The following SP140 variants were observed in gnomAD, a reference collection of about 807,000 sequenced individuals.
SP140 encodes the protein nuclear body protein SP140.
SP140 carries 81 observed loss-of-function variants against 125.0 expected under a neutral mutation model. The observed-to-expected ratio is 0.65, with a 90% confidence interval of 0.54 to 0.78. The LOEUF (loss-of-function observed/expected upper bound fraction) is 0.78, where lower values mean the gene tolerates loss of function less well. SP140 is among the 30% of genes least tolerant of loss of function. SP140 has a pLI of 0.00. For synonymous variants in SP140, 312 were observed against 354.0 expected, an observed-to-expected ratio of 0.88 and a Z score of 1.33; for missense variants, 858 against 1,037.0, an observed-to-expected ratio of 0.83 and a Z score of 2.37.
intron 22 of SP140, among the ~76,000 whole-genome samples, chr2:230,300,501 C>T (rs1190700876): frequency 6.6e-6 from 1 of 152,120 alleles, no homozygotes. Context: ...CTCCCCAGTA[C>T]CAGCCCAGAA....
At chr2:230,293,100 G>T (rs1177596784) in intron 20 of SP140, among the ~76,000 whole-genome samples, 1 of 152,156 alleles carries the variant, frequency 6.6e-6, no homozygotes, top group Non-Finnish European at 1.5e-5. Flanking sequence ...AGTGGAAGAA[G>T]ACACTTCAGA....
At chr2:230,262,807 T>A (rs997114702) in intron 12 of SP140, among the ~76,000 whole-genome samples, 1 of 152,230 alleles carries the variant, frequency 6.6e-6, no homozygotes, top group African/African-American at 2.4e-5. Flanking sequence ...CTTATTCTAC[T>A]GTGGTCTGAG....
intron 1 of SP140, chr2:230,207,910 A>G: frequency 2.7e-6 from 2 of 733,308 alleles, no homozygotes; most frequent in Non-Finnish European, 4.9e-6. Flanking sequence ...TTAGAATAAA[A>G]TTCAACCCTC....
At chr2:230,265,833 C>T (rs1273334933) in intron 12 of SP140, among the ~76,000 whole-genome samples, 1 of 151,944 alleles carries the variant, frequency 6.6e-6, no homozygotes, top group Non-Finnish European at 1.5e-5. Flanking sequence ...CAATCTGCTT[C>T]CTTCAGAGGG....
chr2:230,227,496 G>A (rs1013273862), intron 1 of SP140, among the ~76,000 whole-genome samples: 2 of 152,214 alleles, frequency 1.3e-5, no homozygotes, highest in African/African-American at 4.8e-5. Flanking sequence ...GGAAATTGGG[G>A]AGGATGATGT....
At chr2:230,303,757 T>A (rs2149568016) in intron 22 of SP140, among the ~76,000 whole-genome samples, 1 of 152,308 alleles carries the variant, frequency 6.6e-6, no homozygotes, top group East Asian at 1.9e-4. Flanking sequence ...GGACATACCT[T>A]AAGGTAATAA....
chr2:230,208,012 T>C lies in SP140; in HGVS notation c.-323+4733T>C, dbSNP rs199845488. On this transcript the variant is annotated intron_variant, in intron 1 of 4. Coordinates refer to the SP140 transcript ENST00000456542. Reference sequence around the variant, plus strand: ...TTACCTCCTGGGAGGCTTTTTTTCTTATGTCTCCTTTTTGGAGTTGACCAG... The same window carrying C: ...TTACCTCCTGGGAGGCTTTTTTTCTCATGTCTCCTTTTTGGAGTTGACCAG... 17 of 1,565,992 alleles carry C rather than the reference T, an allele frequency of 1.1e-5. No individual in the cohort carries two copies. In the Admixed American group the frequency reaches 2.9e-4, roughly 26 times the overall value.
At chr2:230,298,525 A>T (rs2057977343) in intron 22 of SP140, among the ~76,000 whole-genome samples, 1 of 152,164 alleles carries the variant, frequency 6.6e-6, no homozygotes. Flanking sequence ...CTGATTTTGG[A>T]TGGACTAGGC....
intron 8 of SP140, 30 bp from the exon 9 acceptor site, chr2:230,248,855 G>C: frequency 6.4e-7 from 1 of 1,572,378 alleles, no homozygotes; most frequent in Non-Finnish European, 8.8e-7. Flanking sequence ...GTCACCCTCT[G>C]TGGTCTGTCA....
chr2:230,302,876 C>A (rs2058419188), intron 22 of SP140, among the ~76,000 whole-genome samples: 2 of 152,140 alleles, frequency 1.3e-5, no homozygotes, highest in East Asian at 1.9e-4. Context: ...AATAATGACA[C>A]AAGCTATCAA....
chr2:230,252,947 G>A (rs555703132), intron 10 of SP140, among the ~76,000 whole-genome samples: 1 of 152,252 alleles, frequency 6.6e-6, no homozygotes, highest in South Asian at 2.1e-4. Context: ...GGAGGGAAGG[G>A]AGATCGTGGA....
chr2:230,209,542 G>A (rs1392980758), intron 1 of SP140, among the ~76,000 whole-genome samples: 1 of 152,212 alleles, frequency 6.6e-6, no homozygotes, highest in Non-Finnish European at 1.5e-5. Flanking sequence ...CATCTAACCT[G>A]TCTCTCACCA....
rs574772554 is a variant in SP140 at position 230,219,086 on chromosome 2, G to A, written c.-91+5012G>A. Among the ~76,000 whole-genome samples, 226 of 152,268 alleles carry A rather than the reference G, an allele frequency of 1.5e-3. 1 individual carries two copies. The highest frequency in any genetic ancestry group is 2.6e-3 in the Non-Finnish European group (180 of 68,004). ...CTAAAAATACAAAAATTAGCTGGGCGTGGTGGTGCACATCTGTAGTCCCAG... is the reference window on the plus strand; with the variant it reads ...CTAAAAATACAAAAATTAGCTGGGCATGGTGGTGCACATCTGTAGTCCCAG... On this transcript the variant is annotated intron_variant, in intron 3 of 4. Transcript: ENST00000456542.
At chr2:230,200,475 A>C, upstream of SP140, 1 of 198,886 alleles carries the variant, frequency 5.0e-6, no homozygotes, top group Non-Finnish European at 1.0e-5. Flanking sequence ...CCACATGAGA[A>C]ATATGGAGAT....
chr2:230,314,799 AGGGG>A (rs1021103934), downstream of SP140, among the ~76,000 whole-genome samples: 1 of 152,218 alleles, frequency 6.6e-6, no homozygotes, highest in Admixed American at 6.5e-5. Context: ...TGCACTGCTG[AGGGG>A]GCAGCACATC....
the SP140 span, among the ~76,000 whole-genome samples, chr2:230,196,656 A>G: frequency 6.6e-6 from 1 of 151,938 alleles, no homozygotes; most frequent in Non-Finnish European, 1.5e-5. Flanking sequence ...CTCGTCATTT[A>G]GCATTAGGTA....
chr2:230,213,183 T>C (rs528334999), intron 1 of SP140, among the ~76,000 whole-genome samples: 17 of 152,306 alleles, frequency 1.1e-4, no homozygotes, highest in Admixed American at 2.0e-4. Flanking sequence ...TCATTATCCA[T>C]TTGTGGCCCC....
the SP140 span, chr2:230,186,269 C>T: frequency 2.2e-6 from 2 of 894,112 alleles, no homozygotes; most frequent in South Asian, 3.2e-5. Flanking sequence ...TCTTTCTTCC[C>T]CCCAGACTCA....
chr2:230,224,948 G>A (rs2046152951), upstream of SP140, among the ~76,000 whole-genome samples: 2 of 152,164 alleles, frequency 1.3e-5, no homozygotes, highest in Admixed American at 1.3e-4. Context: ...GATATAGTGT[G>A]TTTTTGTAAA....
Sources: allele counts gnomAD v4.1 joint callset (sites outside exome capture counted in the v4.1 genomes callset), GRCh38; gene constraint gnomAD v4.1.1; transcripts MANE v1.5; gene names NCBI Gene and HGNC (gene_info 2026-07-23, HGNC 2026-07-21).